Variants in CFAP221 observed in about 807,000 individuals in gnomAD.
The protein encoded by CFAP221 is cilia- and flagella-associated protein 221.
In CFAP221, 97 loss-of-function variants were observed where a neutral mutation model predicts 113.1. The ratio of observed to expected loss-of-function variants is 0.86; its 90% CI spans 0.73 to 1.02. CFAP221 has a LOEUF of 1.02. CFAP221 is among the 50% of genes least tolerant of loss of function. The pLI, the probability that CFAP221 is intolerant of heterozygous loss-of-function variation, is 0.00. For missense variants in CFAP221, 1,025 were observed against 1,013.4 expected (o/e 1.01, Z -0.16); for synonymous variants, 331 against 354.4 (o/e 0.93, Z 0.74).
chr2:119,602,889 C>A (rs561288141), intron 8 of CFAP221: 7 of 563,894 alleles, frequency 1.2e-5, no homozygotes, highest in South Asian at 7.8e-5. Flanking sequence ...ACATGCACGA[C>A]AGCATTGTAT....
chr2:119,592,274 G>C (rs1314624443), intron 7 of CFAP221, among the ~76,000 whole-genome samples: 3 of 152,190 alleles, frequency 2.0e-5, no homozygotes, highest in Non-Finnish European at 4.4e-5. Flanking sequence ...AGGAATTGGT[G>C]AACTTCCTTG....
At chr2:119,596,756 C>T (rs1161207021) in intron 7 of CFAP221, among the ~76,000 whole-genome samples, 1 of 152,248 alleles carries the variant, frequency 6.6e-6, no homozygotes, top group Non-Finnish European at 1.5e-5. Flanking sequence ...TATGGCTGAG[C>T]AGGGGTTGTT....
At chr2:119,633,777 C>G (rs536981447) in intron 19 of CFAP221, among the ~76,000 whole-genome samples, 1 of 151,902 alleles carries the variant, frequency 6.6e-6, no homozygotes, top group Non-Finnish European at 1.5e-5. Flanking sequence ...TGAGATATTA[C>G]CTAACATCTG....
At chr2:119,558,486 C>T (rs1680985629) in intron 3 of CFAP221, among the ~76,000 whole-genome samples, 1 of 152,174 alleles carries the variant, frequency 6.6e-6, no homozygotes, top group Admixed American at 6.5e-5. Context: ...AATTGTAGTG[C>T]TTTAAGAATG....
chr2:119,564,272 T>G (rs190896077), intron 6 of CFAP221, among the ~76,000 whole-genome samples: 1 of 152,282 alleles, frequency 6.6e-6, no homozygotes, highest in East Asian at 1.9e-4. Context: ...CTGGAACAAT[T>G]TCCTTGGTTC....
At chr2:119,605,411 T>A (rs1307650400) in intron 11 of CFAP221, 122 bp downstream of exon 11, 2 of 758,462 alleles carry the variant, frequency 2.6e-6, no homozygotes. Context: ...ATTTAATGAT[T>A]GTTTCACTGC....
chr2:119,592,810 G>A (rs1216230085), intron 7 of CFAP221, among the ~76,000 whole-genome samples: 4 of 152,286 alleles, frequency 2.6e-5, no homozygotes, highest in South Asian at 2.1e-4. Flanking sequence ...CTTGCTGATC[G>A]TCCCCGGCTT....
chr2:119,567,583 C>A (rs36015197), intron 6 of CFAP221, among the ~76,000 whole-genome samples: 7,847 of 152,264 alleles, frequency 0.052, 279 homozygotes, highest in Non-Finnish European at 0.076. Flanking sequence ...ATTAAACATC[C>A]ATATGCAGGT....
At position 119,559,959 on chromosome 2, in the gene CFAP221, C is replaced by T. The variant is rs896978449; in HGVS notation, c.359C>T (p.Thr120Met). The T allele has an allele frequency of 3.6e-5, 55 of 1,535,360 alleles. No individual in the cohort carries two copies. The highest frequency in any genetic ancestry group is 4.3e-5 in the Non-Finnish European group (49 of 1,146,732). ...EHHLVPGLSL[T>M]VTVTFSPDEW... ...CACCTGGTCCCTGGCTTGTCCCTCA[C>T]GGTCACCGTTACATTTTCTCCAGAT... Residue 120 changes from threonine (T) to methionine (M), a missense_variant, in exon 5 of 24, where the codon ACG becomes ATG. Transcript: ENST00000413369.
At chr2:119,647,143 T>C in intron 22 of CFAP221, 93 bp downstream of exon 22, 1 of 919,436 alleles carries the variant, frequency 1.1e-6, no homozygotes, top group Non-Finnish European at 1.7e-6. Flanking sequence ...TAGCACACAG[T>C]TCCTGAGCTT....
At chr2:119,582,636 T>G (rs1682930496) in intron 6 of CFAP221, among the ~76,000 whole-genome samples, 1 of 151,938 alleles carries the variant, frequency 6.6e-6, no homozygotes, top group African/African-American at 2.4e-5. Context: ...TTGTATTTTA[T>G]GTAGAGATGG....
intron 3 of CFAP221, among the ~76,000 whole-genome samples, chr2:119,556,728 T>A (rs908960390): frequency 2.6e-5 from 4 of 151,952 alleles, no homozygotes; most frequent in Admixed American, 2.6e-4. Context: ...ATTTTTGTAT[T>A]ATTAGTAGAG....
intron 21 of CFAP221, among the ~76,000 whole-genome samples, chr2:119,641,265 A>T (rs1574216260): frequency 6.6e-6 from 1 of 152,310 alleles, no homozygotes; most frequent in East Asian, 1.9e-4. Context: ...GAAGATTAGC[A>T]TGCGGTAAAC....
At chr2:119,549,503 A>G (rs1025699684) in intron 3 of CFAP221, among the ~76,000 whole-genome samples, 4 of 152,212 alleles carry the variant, frequency 2.6e-5, no homozygotes, top group Non-Finnish European at 4.4e-5. Flanking sequence ...TGGAGGCTGC[A>G]TTATTCCTCT....
At chr2:119,555,228 G>A (rs1050228063) in intron 3 of CFAP221, among the ~76,000 whole-genome samples, 21 of 152,136 alleles carry the variant, frequency 1.4e-4, no homozygotes, top group Non-Finnish European at 2.6e-4. Flanking sequence ...ATTTCACTTT[G>A]GAGTAAATAT....
intron 21 of CFAP221, among the ~76,000 whole-genome samples, chr2:119,640,935 G>A (rs766395941): frequency 1.3e-5 from 2 of 152,182 alleles, no homozygotes; most frequent in South Asian, 2.1e-4. Context: ...TTGTTGCAAA[G>A]GCCATTCTCA....
rs780981370 is a variant in CFAP221 at position 119,615,654 on chromosome 2, A to G, written c.1355A>G (p.Asn452Ser). 1 of 1,613,172 alleles carries G rather than the reference A, an allele frequency of 6.2e-7. No homozygotes were observed. The highest frequency in any genetic ancestry group is 8.5e-7 in the Non-Finnish European group (1 of 1,179,596). The change falls in exon 14 of 24, where the codon AAC (asparagine) becomes AGC (serine). Residue 452 changes from asparagine (N) to serine (S), a missense_variant. Coordinates refer to ENST00000413369, the MANE Select transcript of CFAP221 (RefSeq NM_001271049.2). ...CCTACTTTTGATCCACTCATTAATA[A>G]CACTTGGCTCAGCAGGTCCAGGGCA... Reference protein sequence around the residue: ...FHPTFDPLINNTWLSRSRAQK... With the variant: ...FHPTFDPLINSTWLSRSRAQK...
At chr2:119,550,155 G>A (rs895160690) in intron 3 of CFAP221, among the ~76,000 whole-genome samples, 1 of 152,134 alleles carries the variant, frequency 6.6e-6, no homozygotes, top group African/African-American at 2.4e-5. Flanking sequence ...CTCTGCCTTT[G>A]TGTGTGATGT....
intron 3 of CFAP221, 97 bp downstream of exon 3, chr2:119,549,282 A>G (rs977806610): frequency 1.0e-6 from 1 of 963,724 alleles, no homozygotes; most frequent in Admixed American, 2.9e-5. Flanking sequence ...CAGCATAATC[A>G]GCCGTAGTGC....
Sources: gnomAD v4.1 joint callset for allele counts (sites outside exome capture counted in the v4.1 genomes callset) on GRCh38, gnomAD v4.1.1 for gene constraint, MANE v1.5 for transcripts, NCBI Gene and HGNC (gene_info 2026-07-23, HGNC 2026-07-21) for gene names.